The following VPS53 variants were observed in gnomAD, a reference collection of about 807,000 sequenced individuals.
VPS53 encodes the protein VPS53 subunit of GARP complex.
In VPS53, 70 loss-of-function variants were observed where a neutral mutation model predicts 107.0. The ratio of observed to expected loss-of-function variants is 0.65; its 90% CI spans 0.54 to 0.80. The LOEUF is 0.80. Among genes scored for constraint, VPS53 ranks in the 30% least tolerant of loss-of-function variants. VPS53 has a pLI of 0.00. For synonymous variants in VPS53, 409 were observed against 393.3 expected (o/e 1.04, Z -0.47); for missense variants, 917 against 1,049.4 (o/e 0.87, Z 1.74).
intron 4 of VPS53, among the ~76,000 whole-genome samples, chr17:665,246 G>A (rs1325615638): frequency 6.6e-6 from 1 of 152,130 alleles, no homozygotes; most frequent in Non-Finnish European, 1.5e-5. Flanking sequence ...GCCATGGGAC[G>A]ACGCAGTGAG....
intron 4 of VPS53, among the ~76,000 whole-genome samples, chr17:678,516 G>A (rs1474628672): frequency 1.3e-5 from 2 of 151,286 alleles, no homozygotes; most frequent in Non-Finnish European, 2.9e-5. Context: ...GCCTAGGCTG[G>A]AGTGCAGTGG....
At chr17:638,765 G>C (rs9899738) in intron 7 of VPS53, among the ~76,000 whole-genome samples, 6,478 of 152,296 alleles carry the variant, frequency 0.043, 448 homozygotes, top group African/African-American at 0.15. Flanking sequence ...CTGGCTTATA[G>C]AGTTTCTGCC....
chr17:609,508 T>G (rs1968743757), intron 11 of VPS53, among the ~76,000 whole-genome samples: 1 of 152,196 alleles, frequency 6.6e-6, no homozygotes, highest in Admixed American at 6.5e-5. Context: ...AGTAGAAATG[T>G]GTAATTAAAA....
chr17:572,773 G>A (rs1467478127), intron 13 of VPS53, among the ~76,000 whole-genome samples: 1 of 148,646 alleles, frequency 6.7e-6, no homozygotes, highest in Non-Finnish European at 1.5e-5. Context: ...ACCACTCAGG[G>A]TTAAATGGAT....
Position 553,476 on chromosome 17 carries a change from G to T in VPS53, c.1705-14C>A, listed in dbSNP as rs2151840281. The T allele has an allele frequency of 1.9e-6, 3 of 1,589,272 alleles. No individual in the cohort carries two copies. Among genetic ancestry groups the T allele is most frequent in the South Asian group, 1.1e-5 (1 of 90,538 alleles). ...TTTTTCTTCTAGCTGTTGAAAAACAGAAGAAATGGATGCACGGTTAATGAT... is the reference window on the plus strand; with the variant it reads ...TTTTTCTTCTAGCTGTTGAAAAACATAAGAAATGGATGCACGGTTAATGAT... On this transcript the variant is annotated splice_polypyrimidine_tract_variant and intron_variant, in intron 15 of 21. Coordinates refer to ENST00000437048, the MANE Select transcript of VPS53 (RefSeq NM_001128159.3).
At chr17:656,129 T>C (rs572360185) in intron 5 of VPS53, among the ~76,000 whole-genome samples, 176 bp from the exon 6 acceptor site, 1 of 152,366 alleles carries the variant, frequency 6.6e-6, no homozygotes, top group East Asian at 1.9e-4. Context: ...TAAAATTTAA[T>C]GTGGCATCTC....
intron 18 of VPS53, among the ~76,000 whole-genome samples, chr17:535,370 A>G (rs1909961290): frequency 6.6e-6 from 1 of 152,094 alleles, no homozygotes; most frequent in African/African-American, 2.4e-5. Context: ...GCTCAATCAT[A>G]TGACTGAGCT....
chr17:617,636 G>A (rs112041672), intron 11 of VPS53, among the ~76,000 whole-genome samples: 2 of 145,788 alleles, frequency 1.4e-5, no homozygotes, highest in African/African-American at 2.5e-5. Flanking sequence ...CAGGTAGCTG[G>A]GACTACAGGC....
chr17:561,805 T>C (rs901717169), intron 14 of VPS53, among the ~76,000 whole-genome samples: 1 of 152,102 alleles, frequency 6.6e-6, no homozygotes, highest in Admixed American at 6.5e-5. Flanking sequence ...GATTTTTGTA[T>C]TTTTAGTAGA....
intron 12 of VPS53, 24 bp from the exon 13 acceptor site, chr17:586,388 C>T (rs747559295): frequency 6.2e-7 from 1 of 1,603,870 alleles, no homozygotes; most frequent in East Asian, 2.2e-5. Context: ...GAAAAATAAA[C>T]CCCATACTTG....
chr17:638,826 T>C (rs1038225164), intron 7 of VPS53, among the ~76,000 whole-genome samples: 2 of 152,358 alleles, frequency 1.3e-5, no homozygotes, highest in South Asian at 4.1e-4. Flanking sequence ...TAACCTGACC[T>C]TTCTCTCTGA....
chr17:617,401 C>T (rs1170644609), intron 11 of VPS53, among the ~76,000 whole-genome samples: 1 of 152,226 alleles, frequency 6.6e-6, no homozygotes, highest in Non-Finnish European at 1.5e-5. Context: ...GTTCCTATTT[C>T]CTTTCCTTTT....
chr17:579,960 C>T lies in VPS53; in HGVS notation c.1313+6310G>A, dbSNP rs144547037. On this transcript the variant is annotated intron_variant, in intron 13 of 21. Coordinates refer to ENST00000437048, the MANE Select transcript of VPS53 (RefSeq NM_001128159.3). ...AGAATCTAATGCATTCCCAGAGAACCCCCAACAGAATCTCAGTGGGTTACC... is the reference window on the plus strand; with the variant it reads ...AGAATCTAATGCATTCCCAGAGAACTCCCAACAGAATCTCAGTGGGTTACC... Among the ~76,000 whole-genome samples the T allele has an allele frequency of 2.0e-3, 302 of 151,602 alleles. 6 individuals carry two copies. The East Asian group carries it at 0.054, about 27-fold the overall frequency.
chr17:591,354 AG>A (rs1967637554), intron 12 of VPS53, among the ~76,000 whole-genome samples: 1 of 152,102 alleles, frequency 6.6e-6, no homozygotes, highest in African/African-American at 2.4e-5. Flanking sequence ...AATTTTTTGA[AG>A]GGTTTTTTGT....
intron 13 of VPS53, among the ~76,000 whole-genome samples, chr17:564,563 T>C (rs1913315230): frequency 1.5e-5 from 2 of 135,616 alleles, no homozygotes; most frequent in African/African-American, 5.6e-5. Flanking sequence ...AAAAAAAAAT[T>C]AGCTGGGGGT....
At chr17:552,077 A>G in intron 16 of VPS53, 127 bp from the exon 17 acceptor site, 1 of 806,724 alleles carries the variant, frequency 1.2e-6, no homozygotes, top group Non-Finnish European at 1.9e-6. Context: ...TTAATTAATG[A>G]CAGCGGAGGA....
chr17:608,351 A>T (rs575050880), intron 11 of VPS53, among the ~76,000 whole-genome samples: 2 of 152,306 alleles, frequency 1.3e-5, no homozygotes, highest in African/African-American at 4.8e-5. Flanking sequence ...GTAAATGCTG[A>T]TCAGATGAAA....
intron 17 of VPS53, among the ~76,000 whole-genome samples, chr17:541,167 T>C (rs1910607593): frequency 6.6e-6 from 1 of 152,208 alleles, no homozygotes; most frequent in Non-Finnish European, 1.5e-5. Context: ...CTGTAGACTT[T>C]ACTCAGGCAC....
At chr17:598,290 G>C (rs1480045100) in intron 12 of VPS53, among the ~76,000 whole-genome samples, 2 of 151,778 alleles carry the variant, frequency 1.3e-5, no homozygotes, top group Non-Finnish European at 2.9e-5. Context: ...TGGAGTGCAG[G>C]GGCGTGATCT....
Sources: gnomAD v4.1 joint callset for allele counts (sites outside exome capture counted in the v4.1 genomes callset) on GRCh38, gnomAD v4.1.1 for gene constraint, MANE v1.5 for transcripts, NCBI Gene and HGNC (gene_info 2026-07-23, HGNC 2026-07-21) for gene names.